The following NRG1 variants were observed in gnomAD, a reference collection of about 807,000 sequenced individuals.
NRG1 encodes the protein neuregulin 1, also known as pro-neuregulin-1, membrane-bound isoform.
In NRG1, 18 loss-of-function variants were observed where a neutral mutation model predicts 63.8. The ratio of observed to expected loss-of-function variants is 0.28; its 90% confidence interval spans 0.19 to 0.42. The LOEUF is 0.42. Ranked by LOEUF, NRG1 falls within the 10% of genes least tolerant of loss-of-function variation. The pLI, the probability that NRG1 is intolerant of heterozygous loss-of-function variation, is 1.00. For synonymous variants in NRG1, 302 were observed against 301.3 expected (o/e 1.00, Z -0.02); for missense variants, 762 against 814.7 (o/e 0.94, Z 0.79).
intron 1 of NRG1, among the ~76,000 whole-genome samples, chr8:32,041,353 C>T (rs755642567): frequency 6.6e-6 from 1 of 152,328 alleles, no homozygotes; most frequent in Non-Finnish European, 1.5e-5. Flanking sequence ...AGTAAACATA[C>T]TGTGCCCTGT....
chr8:31,672,732 C>A (rs1585562141), intron 1 of NRG1, among the ~76,000 whole-genome samples: 1 of 151,986 alleles, frequency 6.6e-6, no homozygotes, highest in East Asian at 1.9e-4. Context: ...ACTGAGCATA[C>A]CAACAAGGAA....
At chr8:32,296,711 AT>A (rs1854926978) in intron 1 of NRG1, among the ~76,000 whole-genome samples, 1 of 152,088 alleles carries the variant, frequency 6.6e-6, no homozygotes, top group Non-Finnish European at 1.5e-5. Context: ...ACATATACAT[AT>A]TTGATATATA....
chr8:32,219,651 G>T lies in NRG1; in HGVS notation c.38-376177G>T, dbSNP rs77136161. ...AATGCTTAATATATTTCATTTGAAA[G>T]AATTATGATCTAAATCTTAAAGAAA... On this transcript the variant is annotated intron_variant, in intron 1 of 10. Coordinates refer to the NRG1 transcript ENST00000519301. 2.7e-3 allele frequency among the ~76,000 whole-genome samples: 405 copies of T among 152,296 alleles called. 4 individuals carry two copies. The highest frequency in any genetic ancestry group is 7.9e-3 in the African/African-American group (327 of 41,572).
At chr8:32,664,254 A>G (rs969122002) in intron 5 of NRG1, among the ~76,000 whole-genome samples, 3 of 151,968 alleles carry the variant, frequency 2.0e-5, no homozygotes, top group Admixed American at 1.3e-4. Flanking sequence ...ACTGGAGTAT[A>G]AGGTAGTATA....
At chr8:31,935,323 A>G (rs968108074) in intron 1 of NRG1, among the ~76,000 whole-genome samples, 4 of 151,614 alleles carry the variant, frequency 2.6e-5, no homozygotes. Context: ...AGGTCTCACT[A>G]TTTTGCCCAG....
At chr8:32,365,300 C>A (rs1807813121) in intron 1 of NRG1, among the ~76,000 whole-genome samples, 1 of 151,932 alleles carries the variant, frequency 6.6e-6, no homozygotes, top group African/African-American at 2.4e-5. Flanking sequence ...AAAAACTAGC[C>A]CTTTTGGCTA....
intron 1 of NRG1, among the ~76,000 whole-genome samples, chr8:32,169,869 T>G (rs1442187555): frequency 6.6e-6 from 1 of 152,200 alleles, no homozygotes; most frequent in South Asian, 2.1e-4. Flanking sequence ...GTGACTTTAT[T>G]TGGAAATAGA....
chr8:32,249,477 A>C (rs2129470199), intron 1 of NRG1, among the ~76,000 whole-genome samples: 1 of 152,254 alleles, frequency 6.6e-6, no homozygotes, highest in South Asian at 2.1e-4. Flanking sequence ...TGAGCTCAAA[A>C]CAGACAAACA....
At chr8:32,288,136 A>G (rs897065464) in intron 1 of NRG1, among the ~76,000 whole-genome samples, 7 of 152,164 alleles carry the variant, frequency 4.6e-5, no homozygotes, top group Non-Finnish European at 8.8e-5. Context: ...TATTTTGCCT[A>G]AAGCAAGACA....
chr8:32,704,416 A>G (rs1431625923), intron 5 of NRG1, among the ~76,000 whole-genome samples: 8 of 152,232 alleles, frequency 5.3e-5, no homozygotes, highest in African/African-American at 1.9e-4. Flanking sequence ...GTGAGTTTGC[A>G]GAAGACTAAG....
At chr8:32,093,102 G>A (rs1441952415) in intron 1 of NRG1, among the ~76,000 whole-genome samples, 1 of 152,198 alleles carries the variant, frequency 6.6e-6, no homozygotes, top group African/African-American at 2.4e-5. Context: ...GAAAGAAGTA[G>A]ACGTGAGAGA....
intron 1 of NRG1, among the ~76,000 whole-genome samples, chr8:32,089,498 C>T (rs1452362055): frequency 6.6e-6 from 1 of 152,064 alleles, no homozygotes. Flanking sequence ...GTGCTTATTT[C>T]AAACGGAAAA....
intron 1 of NRG1, among the ~76,000 whole-genome samples, chr8:31,732,108 C>T (rs1276381706): frequency 6.6e-6 from 1 of 152,088 alleles, no homozygotes; most frequent in Non-Finnish European, 1.5e-5. Context: ...TCCATAAAAA[C>T]AGTGCCCAGT....
chr8:32,236,729 C>A (rs1847601588), intron 1 of NRG1, among the ~76,000 whole-genome samples: 1 of 152,282 alleles, frequency 6.6e-6, no homozygotes, highest in Non-Finnish European at 1.5e-5. Flanking sequence ...ATGTGTGGTG[C>A]TTGAGAGGAG....
At chr8:31,887,911 T>C (rs936553728) in intron 1 of NRG1, among the ~76,000 whole-genome samples, 3 of 151,878 alleles carry the variant, frequency 2.0e-5, no homozygotes, top group Non-Finnish European at 4.4e-5. Context: ...TACAAAATTG[T>C]TTTAATAAAA....
At chr8:31,773,094 G>A (rs1818790109) in intron 1 of NRG1, among the ~76,000 whole-genome samples, 1 of 152,138 alleles carries the variant, frequency 6.6e-6, no homozygotes, top group Admixed American at 6.5e-5. Context: ...TGTAATTATT[G>A]TTAAAAGTTT....
chr8:32,326,001 A>T (rs1801956717), intron 1 of NRG1, among the ~76,000 whole-genome samples: 1 of 145,942 alleles, frequency 6.9e-6, no homozygotes, highest in Non-Finnish European at 1.5e-5. Flanking sequence ...TTCTCTTCAC[A>T]TCAGATGTCA....
At chr8:31,701,882 G>T (rs1045280660) in intron 1 of NRG1, among the ~76,000 whole-genome samples, 1 of 152,152 alleles carries the variant, frequency 6.6e-6, no homozygotes, top group Non-Finnish European at 1.5e-5. Flanking sequence ...ATTCAGTAGT[G>T]GTCAGGCAGT....
chr8:32,534,767 G>A (rs963716154), intron 1 of NRG1, among the ~76,000 whole-genome samples: 2 of 152,012 alleles, frequency 1.3e-5, no homozygotes, highest in Non-Finnish European at 2.9e-5. Flanking sequence ...CAATTCCAAC[G>A]TTTCCTTTAG....
Sources: gnomAD v4.1 joint callset for allele counts (sites outside exome capture counted in the v4.1 genomes callset) on GRCh38, gnomAD v4.1.1 for gene constraint, MANE v1.5 for transcripts, NCBI Gene and HGNC (gene_info 2026-07-23, HGNC 2026-07-21) for gene names.